The following TACC2 variants were observed in gnomAD, a reference collection of about 807,000 sequenced individuals.
TACC2 encodes transforming acidic coiled-coil-containing protein 2.
TACC2 carries 137 observed loss-of-function variants against 227.3 expected under a neutral mutation model. That is an observed-to-expected ratio of 0.60 (90% CI 0.52 to 0.69). The LOEUF is 0.69. Among genes scored for constraint, TACC2 ranks in the 30% least tolerant of loss-of-function variants. The pLI is 0.00. For synonymous variants in TACC2, 1,523 were observed against 1,487.5 expected (o/e 1.02, Z -0.55); for missense variants, 3,470 against 3,694.4 (o/e 0.94, Z 1.57).
chr10:122,170,054 A>G (rs1424389507), intron 7 of TACC2, among the ~76,000 whole-genome samples: 1 of 151,844 alleles, frequency 6.6e-6, no homozygotes, highest in Non-Finnish European at 1.5e-5. Flanking sequence ...CCCAGCCTTA[A>G]TTCAATAGTT....
chr10:122,005,390 T>TC (rs1251284098), intron 1 of TACC2, among the ~76,000 whole-genome samples: 247 of 148,628 alleles, frequency 1.7e-3, no homozygotes, highest in African/African-American at 5.7e-3. Context: ...AGCTTTTTTT[T>TC]TTTTTTTTGA....
chr10:122,131,413 T>C (rs1483726526), intron 5 of TACC2, among the ~76,000 whole-genome samples: 1 of 152,178 alleles, frequency 6.6e-6, no homozygotes, highest in Non-Finnish European at 1.5e-5. Context: ...TACAAGACGA[T>C]GGGTGTCCAA....
In TACC2 at chr10:122,084,591, T is replaced by C. The variant is rs2079891753; in HGVS notation, c.2091T>C (p.Cys697=). The change falls in exon 4 of 23, where the codon TGT becomes TGC. Residue 697 remains cysteine (C), a synonymous_variant. Coordinates refer to ENST00000369005, the MANE Select transcript of TACC2 (RefSeq NM_206862.4). The part of the protein sequence containing the change: ...IWEGSGLQPK[C]PDTLQSREGL... ...AGGGGTCAGGATTGCAGCCCAAATG[T>C]CCTGACACCCTTCAGAGCAGGGAAG... 6.2e-7 allele frequency: 1 copy of C among 1,613,698 alleles called. No individual in the cohort carries two copies. The highest frequency in any genetic ancestry group is 1.3e-5 in the African/African-American group (1 of 74,916).
intron 7 of TACC2, among the ~76,000 whole-genome samples, chr10:122,145,949 C>A (rs909132153): frequency 6.6e-6 from 1 of 152,334 alleles, no homozygotes; most frequent in Middle Eastern, 3.4e-3. Flanking sequence ...AGCCATTCAG[C>A]AACATGAACT....
At chr10:122,101,937 C>T (rs2137648113) in intron 5 of TACC2, among the ~76,000 whole-genome samples, 1 of 151,940 alleles carries the variant, frequency 6.6e-6, no homozygotes, top group East Asian at 1.9e-4. Context: ...TTACCCGAGG[C>T]CTGCTGAGTT....
intron 7 of TACC2, among the ~76,000 whole-genome samples, chr10:122,176,117 C>CTATATATATATATATA (rs35172894): frequency 1.8e-4 from 10 of 54,654 alleles, no homozygotes; most frequent in Non-Finnish European, 2.4e-4. Flanking sequence ...CTCTCTCTCT[C>CTATATATATATATATA]TATATATATA....
Position 122,230,354 on chromosome 10 carries a change from G to A in TACC2, c.8041G>A (p.Glu2681Lys). The A allele has an allele frequency of 6.2e-7, 1 of 1,614,068 alleles. No individual in the cohort carries two copies. Residue 2681 changes from glutamate to lysine, a missense_variant, in exon 16 of 23, where the codon GAG (glutamate) becomes AAG (lysine). This residue lies in a region of TACC2 where 345 missense variants were observed against 354.4 expected (regional missense o/e 0.97). Coordinates refer to ENST00000369005, the MANE Select transcript of TACC2 (RefSeq NM_206862.4). ...TGCCCACACTCCCTGTGGGCAGGAG[G>A]AGTTAGAGTTTGCCATCATGCGGAT... ...PPLFAQKLQEELEFAIMRIEA... is the reference protein window; with the variant it reads ...PPLFAQKLQEKLEFAIMRIEA...
chr10:122,168,578 G>A (rs1038038294), intron 7 of TACC2, among the ~76,000 whole-genome samples: 4 of 152,120 alleles, frequency 2.6e-5, no homozygotes, highest in African/African-American at 9.7e-5. Flanking sequence ...AATATATTCC[G>A]AGGTCCTCCA....
intron 18 of TACC2, among the ~76,000 whole-genome samples, chr10:122,240,767 C>G (rs897790952): frequency 6.6e-6 from 1 of 152,088 alleles, no homozygotes; most frequent in African/African-American, 2.4e-5. Context: ...GTAGGTGAAC[C>G]CCTGATTCTT....
chr10:122,008,266 T>TATTATTATTATTATTATTA (rs1554958022), intron 1 of TACC2, among the ~76,000 whole-genome samples: 2 of 139,870 alleles, frequency 1.4e-5, no homozygotes, highest in South Asian at 2.2e-4. Context: ...TTATTATTAT[T>TATTATTATTATTATTATTA]TTTTTTTTTT....
At chr10:122,246,354 C>T (rs557561915) in intron 19 of TACC2, 2 of 152,232 alleles carry the variant, frequency 1.3e-5, no homozygotes, top group South Asian at 4.2e-4. Flanking sequence ...AGGAAATGAC[C>T]CCACCACACC....
chr10:122,054,069 C>A (rs561934188), intron 3 of TACC2, among the ~76,000 whole-genome samples: 1 of 152,294 alleles, frequency 6.6e-6, no homozygotes, highest in South Asian at 2.1e-4. Flanking sequence ...ATGTAATCTA[C>A]CTTAGAGGTA....
intron 7 of TACC2, among the ~76,000 whole-genome samples, chr10:122,174,922 C>A (rs1472970227): frequency 6.6e-6 from 1 of 152,194 alleles, no homozygotes; most frequent in Non-Finnish European, 1.5e-5. Context: ...GGCTTTATTT[C>A]AGATTCCCCA....
intron 5 of TACC2, among the ~76,000 whole-genome samples, chr10:122,128,896 C>T (rs1025084868): frequency 6.6e-6 from 1 of 151,892 alleles, no homozygotes; most frequent in Admixed American, 6.6e-5. Flanking sequence ...CTCTCTGTCA[C>T]GTGCTCGTGT....
At chr10:122,161,006 G>A (rs577887952) in intron 7 of TACC2, among the ~76,000 whole-genome samples, 6 of 152,178 alleles carry the variant, frequency 3.9e-5, no homozygotes, top group South Asian at 4.2e-4. Context: ...GCAGTGGCAC[G>A]ATCATGGCTC....
intron 4 of TACC2, 122 bp downstream of exon 4, chr10:122,088,081 T>A: frequency 9.1e-7 from 1 of 1,093,596 alleles, no homozygotes; most frequent in Non-Finnish European, 1.2e-6. Flanking sequence ...TTTCCATATC[T>A]AATTGCTAAA....
At chr10:122,226,619 A>G (rs1012416929) in intron 13 of TACC2, 138 bp downstream of exon 13, 4 of 613,358 alleles carry the variant, frequency 6.5e-6, no homozygotes, top group Non-Finnish European at 1.1e-5. Flanking sequence ...TTTTTTTTTT[A>G]ATAGAGACAG....
chr10:122,219,033 A>AAAAAAC (rs1368968941), intron 11 of TACC2, among the ~76,000 whole-genome samples: 1 of 150,728 alleles, frequency 6.6e-6, no homozygotes, highest in Non-Finnish European at 1.5e-5. Flanking sequence ...AAAAAAAAAA[A>AAAAAAC]AAGAAAAGTG....
At chr10:122,206,285 T>G (rs1404670117) in intron 8 of TACC2, among the ~76,000 whole-genome samples, 1 of 152,230 alleles carries the variant, frequency 6.6e-6, no homozygotes, top group Non-Finnish European at 1.5e-5. Flanking sequence ...ACACATTCGC[T>G]TTCCCTCAAC....
Sources: gnomAD v4.1 joint callset for allele counts (sites outside exome capture counted in the v4.1 genomes callset) on GRCh38, gnomAD v4.1.1 for gene constraint, gnomAD v4.1.1 regional missense constraint, MANE v1.5 for transcripts, NCBI Gene and HGNC (gene_info 2026-07-23, HGNC 2026-07-21) for gene names.